ST8SIA5: variants seen among roughly 807,000 people sequenced by gnomAD.
ST8SIA5 encodes the protein alpha-2,8-sialyltransferase 8E.
In ST8SIA5, 24 loss-of-function variants were observed where a neutral mutation model predicts 40.2. The observed-to-expected ratio is 0.60, with a 90% confidence interval of 0.43 to 0.84. ST8SIA5 has a LOEUF of 0.84. Among genes scored for constraint, ST8SIA5 ranks in the 40% least tolerant of loss-of-function variants. The pLI, the probability that ST8SIA5 is intolerant of heterozygous loss-of-function variation, is 0.00. For synonymous variants in ST8SIA5, 198 were observed against 201.8 expected (o/e 0.98, Z 0.16); for missense variants, 465 against 498.5 (o/e 0.93, Z 0.64).
At chr18:46,710,363 TTTTCTTTCTTTC>T (rs71162817) in intron 1 of ST8SIA5, among the ~76,000 whole-genome samples, 25,201 of 114,196 alleles carry the variant, frequency 0.22, 2,786 homozygotes, top group Non-Finnish European at 0.27. Flanking sequence ...TCCTTCTTTC[TTTTCTTTCTTTC>T]TTTCTTTCTT....
intron 2 of ST8SIA5, among the ~76,000 whole-genome samples, chr18:46,695,195 G>C (rs62097156): frequency 6.6e-6 from 1 of 151,992 alleles, no homozygotes; most frequent in African/African-American, 2.4e-5. Flanking sequence ...TAAAAAAAGG[G>C]TTCATTTTGT....
rs1159272308 is a variant in ST8SIA5, at chr18:46,679,079, T to TGAG, written c.*960_*962dup. The TGAG allele has an allele frequency of 6.6e-6, 1 of 152,238 alleles. No homozygotes were observed. The highest frequency in any genetic ancestry group is 1.5e-5 in the Non-Finnish European group (1 of 68,060). 9.4% of individuals were successfully genotyped at this position (152,238 alleles called of 1,614,324 possible). The stretch of plus-strand genomic sequence containing the variant: ...CCAGCCCAGAGCCTATGGTTCCGAC[T>TGAG]GAGGAACACGATACAGCAGGATTCT... On this transcript the variant is annotated 3_prime_UTR_variant, in exon 7 of 7. Transcript: ENST00000315087.
rs370410407 is a variant in ST8SIA5 at position 46,680,363 on chromosome 18, C to A, written c.810G>T (p.Ser270=). Residue 270 remains serine (S), a synonymous_variant, in exon 7 of 7, where the codon TCG becomes TCT. Coordinates refer to ENST00000315087, the MANE Select transcript of ST8SIA5 (RefSeq NM_013305.6). ...RVKYVLDDFE[S]PQAVYYFHPQ... ...GATGGAAGTAGTAGACAGCTTGCGG[C>A]GATTCGAAGTCGTCCAGCACGTACT... 375 of 1,614,000 alleles carry A rather than the reference C, an allele frequency of 2.3e-4. No homozygotes were observed. Among genetic ancestry groups the A allele is most frequent in the Non-Finnish European group, 2.8e-4 (328 of 1,180,006 alleles).
intron 1 of ST8SIA5, among the ~76,000 whole-genome samples, chr18:46,718,471 CCTTT>C (rs34968768): frequency 0.42 from 63,592 of 151,474 alleles, 13,773 homozygotes; most frequent in East Asian, 0.56. Flanking sequence ...ATAGCTCACA[CCTTT>C]CTAATTCAGC....
rs1286911742 is a variant in ST8SIA5 at position 46,673,630 on chromosome 18, T to G, written c.*6412A>C. The G allele has an allele frequency of 6.6e-6, 1 of 152,108 alleles. No homozygotes were observed. Among genetic ancestry groups the G allele is most frequent in the Non-Finnish European group, 1.5e-5 (1 of 68,018 alleles). 9.4% of individuals were successfully genotyped at this position (152,108 alleles called of 1,614,324 possible). A position where few individuals can be genotyped will look rare whatever the true frequency, so the allele number is the denominator to read the frequency against. On this transcript the variant is annotated 3_prime_UTR_variant, in exon 7 of 7. Transcript: ENST00000315087. ...CATCAGAAGGCCATCCTACAGGGCA[T>G]CCTAATAAACCCATGTGATCTTCAA... is the stretch of plus-strand genomic sequence containing the variant.
intron 1 of ST8SIA5, among the ~76,000 whole-genome samples, chr18:46,714,590 G>A (rs1225470822): frequency 6.6e-6 from 1 of 152,148 alleles, no homozygotes; most frequent in African/African-American, 2.4e-5. Flanking sequence ...AAGCAGACAA[G>A]GCCCAGGGAG....
chr18:46,668,534 A>C lies in ST8SIA5; in HGVS notation c.*11508T>G, dbSNP rs969194521. The C allele has an allele frequency of 6.6e-6, 1 of 152,552 alleles. No individual in the cohort carries two copies. The allele number at this position is 152,552 out of a possible 1,614,324, so 9.4% of individuals were successfully genotyped here. ...TACTTGGGGAGGGAAGTGGCGGGGG[A>C]TTGGTTCCAAACTGTACCATTGAAC... is the stretch of plus-strand genomic sequence containing the variant. On this transcript the variant is annotated 3_prime_UTR_variant, in exon 7 of 7. Coordinates refer to ENST00000315087, the MANE Select transcript of ST8SIA5 (RefSeq NM_013305.6).
intron 4 of ST8SIA5, among the ~76,000 whole-genome samples, chr18:46,686,499 T>A: frequency 6.6e-6 from 1 of 152,150 alleles, no homozygotes; most frequent in East Asian, 1.9e-4. Context: ...GCCACTCCCA[T>A]CCCTGAAGCC....
At position 46,756,795 on chromosome 18, in the gene ST8SIA5, G is replaced by C; in HGVS notation, c.-287C>G. ...CCTTTACCTCCAGGCGCCGGTGCCG[G>C]GTAGCCGCCGATTTCCCCGCGGAGG... is the stretch of plus-strand genomic sequence containing the variant. On this transcript the variant is annotated 5_prime_UTR_variant, in exon 1 of 7. Transcript: ENST00000315087. 1 of 358,436 alleles carries C rather than the reference G, an allele frequency of 2.8e-6. No homozygotes were observed. Among genetic ancestry groups the C allele is most frequent in the East Asian group, 5.4e-5 (1 of 18,504 alleles). 22.2% of individuals were successfully genotyped at this position (358,436 alleles called of 1,614,324 possible). A position where few individuals can be genotyped will look rare whatever the true frequency, so the allele number is the denominator to read the frequency against.
intron 2 of ST8SIA5, among the ~76,000 whole-genome samples, chr18:46,696,967 G>A (rs546618824): frequency 5.3e-5 from 8 of 152,178 alleles, no homozygotes; most frequent in Admixed American, 4.6e-4. Flanking sequence ...GGAGGATGGG[G>A]AGGGAGCATG....
intron 1 of ST8SIA5, among the ~76,000 whole-genome samples, chr18:46,741,925 A>T (rs1247235041): frequency 6.6e-6 from 1 of 151,984 alleles, no homozygotes; most frequent in Admixed American, 6.6e-5. Context: ...AACATCGTGA[A>T]ATCCCCTCTC....
At chr18:46,710,341 C>T (rs8097565) in intron 1 of ST8SIA5, among the ~76,000 whole-genome samples, 135,975 of 151,294 alleles carry the variant, frequency 0.9, 61,374 homozygotes, top group Non-Finnish European at 0.94. Context: ...TCTTTTTCTT[C>T]CTTTCCTTCT....
chr18:46,682,237 C>T (rs1172546104), intron 5 of ST8SIA5, among the ~76,000 whole-genome samples, 173 bp from the exon 6 acceptor site: 2 of 152,258 alleles, frequency 1.3e-5, no homozygotes, highest in African/African-American at 4.8e-5. Flanking sequence ...TGCTCCTTAT[C>T]AGGCACTAGG....
Position 46,719,708 on chromosome 18 carries a change from C to CTTTCTTTCTTTCTTTCTT in ST8SIA5, c.132-15045_132-15044insAAGAAAGAAAGAAAGAAA, listed in dbSNP as rs1414533642. Among the ~76,000 whole-genome samples the CTTTCTTTCTTTCTTTCTT allele has an allele frequency of 6.3e-3, 67 of 10,672 alleles. 1 individual carries two copies. Among genetic ancestry groups the CTTTCTTTCTTTCTTTCTT allele is most frequent in the South Asian group, 0.017 (5 of 296 alleles). 7.0% of individuals were successfully genotyped at this position (10,672 alleles called of 152,430 possible). On this transcript the variant is annotated intron_variant, in intron 1 of 6. Transcript: ENST00000315087. ...TTTCTTTCTTTCTTTCTTTCTTTCT[C>CTTTCTTTCTTTCTTTCTT]TCTTTCTTTCTCTCTTTCTCTCTCT... is the stretch of plus-strand genomic sequence containing the variant.
chr18:46,756,080 G>A lies in ST8SIA5; in HGVS notation c.131+298C>T, dbSNP rs569133962. ...GGAGGACACCGCTCCGATCCATGCG[G>A]TCTCTCCGGGTATTAAATGGATTTA... On this transcript the variant is annotated intron_variant, in intron 1 of 6. Coordinates refer to ENST00000315087, the MANE Select transcript of ST8SIA5 (RefSeq NM_013305.6). 2.6e-4 allele frequency among the ~76,000 whole-genome samples: 39 copies of A among 152,326 alleles called. 1 individual carries two copies. Among genetic ancestry groups the A allele is most frequent in the Admixed American group, 2.2e-3 (33 of 15,302 alleles).
Position 46,677,554 on chromosome 18 carries a change from A to C in ST8SIA5, c.*2488T>G, listed in dbSNP as rs2144449761. 6.6e-6 allele frequency: 1 copy of C among 152,370 alleles called. No individual in the cohort carries two copies. Among genetic ancestry groups the C allele is most frequent in the South Asian group, 2.1e-4 (1 of 4,832 alleles). The allele number at this position is 152,370 out of a possible 1,614,324, so 9.4% of individuals were successfully genotyped here. On this transcript the variant is annotated 3_prime_UTR_variant, in exon 7 of 7. Transcript: ENST00000315087. ...TCCCCCCAAAATAAGGACATTGTACAGACGCTGAAGATTTTTACAAAGCTT... is the reference window on the plus strand; with the variant it reads ...TCCCCCCAAAATAAGGACATTGTACCGACGCTGAAGATTTTTACAAAGCTT...
Position 46,680,406 on chromosome 18 carries a change from T to A in ST8SIA5, c.767A>T (p.Asp256Val), listed in dbSNP as rs762936752. The change falls in exon 7 of 7, where the codon GAC becomes GTC. Residue 256 changes from aspartate (D) to valine (V), a missense_variant. Physicochemically the swap from Asp to Val is radical, Grantham distance 152. Coordinates refer to ENST00000315087, the MANE Select transcript of ST8SIA5 (RefSeq NM_013305.6). ...LPAFYNTRNT[D>V]VSIRVKYVLD... ...CACGTACTTGACGCGGATGGACACG[T>A]CGGTGTTGCGCGTGTTGTAGAAGGC... 8 of 1,613,666 alleles carry A rather than the reference T, an allele frequency of 5.0e-6. No individual in the cohort carries two copies. The highest frequency in any genetic ancestry group is 3.4e-6 in the Non-Finnish European group (4 of 1,179,782).
intron 1 of ST8SIA5, among the ~76,000 whole-genome samples, chr18:46,751,270 T>A (rs72903342): frequency 0.029 from 4,453 of 152,352 alleles, 95 homozygotes; most frequent in Non-Finnish European, 0.038. Flanking sequence ...TAACACAAGG[T>A]CTCCAAGGTT....
At chr18:46,750,281 T>C (rs2040183979) in intron 1 of ST8SIA5, among the ~76,000 whole-genome samples, 1 of 152,148 alleles carries the variant, frequency 6.6e-6, no homozygotes, top group South Asian at 2.1e-4. Flanking sequence ...AAATAAACAT[T>C]GCCCTTTCCC....
Sources: allele counts gnomAD v4.1 joint callset (sites outside exome capture counted in the v4.1 genomes callset), GRCh38; gene constraint gnomAD v4.1.1; transcripts MANE v1.5; gene names NCBI Gene and HGNC (gene_info 2026-07-23, HGNC 2026-07-21).